Variants in EIF4G3 observed in about 807,000 individuals in gnomAD.
EIF4G3 encodes eIF-4-gamma 3.
EIF4G3 carries 34 observed loss-of-function variants against 186.4 expected under a neutral mutation model. The ratio of observed to expected loss-of-function variants is 0.18; its 90% CI spans 0.14 to 0.24. The LOEUF is 0.24. Among genes scored for constraint, EIF4G3 ranks in the 10% least tolerant of loss-of-function variants. The pLI is 1.00. For synonymous variants in EIF4G3, 673 were observed against 679.5 expected, an observed-to-expected ratio of 0.99 and a Z score of 0.15; for missense variants, 1,536 against 1,948.5, an observed-to-expected ratio of 0.79 and a Z score of 3.99.
At chr1:20,878,612 CACG>C (rs1286024823) in intron 20 of EIF4G3, among the ~76,000 whole-genome samples, 1 of 152,032 alleles carries the variant, frequency 6.6e-6, no homozygotes, top group Admixed American at 6.6e-5. Flanking sequence ...AGCAGCAAGG[CACG>C]ACAATGAGTT....
intron 20 of EIF4G3, among the ~76,000 whole-genome samples, chr1:20,872,019 A>G (rs766069581): frequency 2.0e-5 from 3 of 152,062 alleles, no homozygotes; most frequent in African/African-American, 7.2e-5. Flanking sequence ...GTACAAAATA[A>G]CATAGCACAC....
At chr1:20,981,617 TATACATAC>T (rs372554980) in intron 8 of EIF4G3, among the ~76,000 whole-genome samples, 2 of 56,754 alleles carry the variant, frequency 3.5e-5, no homozygotes, top group Admixed American at 2.1e-4. Flanking sequence ...ATACTGTATG[TATACATAC>T]ATGTATACGC....
chr1:20,988,913 G>T (rs937443518), intron 7 of EIF4G3, among the ~76,000 whole-genome samples: 2 of 151,022 alleles, frequency 1.3e-5, no homozygotes, highest in African/African-American at 2.4e-5. Context: ...ATGCCATTAA[G>T]AATATTCCTG....
At position 20,899,937 on chromosome 1, in the gene EIF4G3, C is replaced by T. The variant is rs373092626; in HGVS notation, c.1759G>A (p.Ala587Thr). 6 of 1,606,898 alleles carry T rather than the reference C, an allele frequency of 3.7e-6. No homozygotes were observed. The South Asian group carries it at 4.5e-5, about 12-fold the overall frequency. ...EMLEAELELKAEEELSIDKVL... is the reference protein window; with the variant it reads ...EMLEAELELKTEEELSIDKVL... ...TTGTCAATGGAAAGCTCCTCTTCAGCTTTAAGCTAAATAATAAATGAACAA... is the reference window on the plus strand; with the variant it reads ...TTGTCAATGGAAAGCTCCTCTTCAGTTTTAAGCTAAATAATAAATGAACAA... Residue 587 changes from alanine to threonine, a missense_variant, in exon 16 of 37, where the codon GCT becomes ACT. Ala to Thr is a moderately conservative substitution (Grantham distance 58). Around this residue, in one of 11 missense-constraint regions of EIF4G3, gnomAD observed 560 missense variants for 547.8 expected, o/e 1.02. Transcript: ENST00000602326.
chr1:21,064,028 T>G (rs1037392393), intron 3 of EIF4G3, among the ~76,000 whole-genome samples: 5 of 152,086 alleles, frequency 3.3e-5, no homozygotes, highest in African/African-American at 1.2e-4. Flanking sequence ...ATGCCCAGCC[T>G]CCTGTCATAC....
chr1:21,150,158 C>G (rs897168134), intron 2 of EIF4G3, among the ~76,000 whole-genome samples: 1 of 152,242 alleles, frequency 6.6e-6, no homozygotes, highest in African/African-American at 2.4e-5. Flanking sequence ...CCACAGCAGC[C>G]AAGTCCTATA....
At chr1:21,100,551 C>T (rs572034430) in intron 2 of EIF4G3, among the ~76,000 whole-genome samples, 23 of 152,186 alleles carry the variant, frequency 1.5e-4, no homozygotes, top group Non-Finnish European at 3.2e-4. Flanking sequence ...CATCATGATC[C>T]GGTTCAATAG....
At chr1:21,162,856 G>C (rs1220055326) in intron 2 of EIF4G3, among the ~76,000 whole-genome samples, 1 of 152,204 alleles carries the variant, frequency 6.6e-6, no homozygotes, top group African/African-American at 2.4e-5. Context: ...CATTACAGGA[G>C]AAACAGGATC....
At chr1:20,869,258 C>G (rs541269969) in intron 20 of EIF4G3, among the ~76,000 whole-genome samples, 38 of 150,136 alleles carry the variant, frequency 2.5e-4, no homozygotes, top group African/African-American at 8.8e-4. Flanking sequence ...AATGGCACCT[C>G]TGTGCTAACT....
Position 21,126,064 on chromosome 1 carries a change from C to T in EIF4G3, c.-271-36851G>A, listed in dbSNP as rs376321349. Reference sequence around the variant, plus strand: ...ACAACAATTACAAAAATTAGGCAGGCGTGGTGGTGGCACATACCTGTAGTC... The same window carrying T: ...ACAACAATTACAAAAATTAGGCAGGTGTGGTGGTGGCACATACCTGTAGTC... On this transcript the variant is annotated intron_variant, in intron 2 of 36. Coordinates refer to ENST00000602326, the MANE Select transcript of EIF4G3 (RefSeq NM_001391906.1). Among the ~76,000 whole-genome samples, 743 of 151,260 alleles carry T rather than the reference C, an allele frequency of 4.9e-3. 6 individuals carry two copies. Among genetic ancestry groups the T allele is most frequent in the African/African-American group, 0.017 (697 of 41,292 alleles).
rs1557737808 is a variant in EIF4G3, at chr1:20,814,756, TCCCCCTCCCC to T, written c.4516-1527_4516-1518del. ...TTAAGGTTAAAAATTCATCTCCCCC[TCCCCCTCCCC>T]CTCCCCCTCCCCCTCCCCCTCTCCC... On this transcript the variant is annotated intron_variant, in intron 34 of 36. Coordinates refer to ENST00000602326, the MANE Select transcript of EIF4G3 (RefSeq NM_001391906.1). Among the ~76,000 whole-genome samples, 196 of 23,668 alleles carry T rather than the reference TCCCCCTCCCC, an allele frequency of 8.3e-3. 3 individuals are homozygous for T. Among genetic ancestry groups the T allele is most frequent in the Non-Finnish European group, 0.01 (122 of 11,636 alleles). The allele number at this position is 23,668 out of a possible 152,430, so 15.5% of individuals were successfully genotyped here. A position where few individuals can be genotyped will look rare whatever the true frequency, so the allele number is the denominator to read the frequency against.
chr1:20,968,188 T>C (rs1320859660), intron 12 of EIF4G3, among the ~76,000 whole-genome samples: 2 of 151,834 alleles, frequency 1.3e-5, no homozygotes, highest in Non-Finnish European at 2.9e-5. Context: ...TTTTTTTTTT[T>C]TTTAAGACAG....
chr1:21,022,371 A>G (rs1384863936), intron 4 of EIF4G3, among the ~76,000 whole-genome samples: 1 of 152,206 alleles, frequency 6.6e-6, no homozygotes, highest in Non-Finnish European at 1.5e-5. Context: ...AATAAACATT[A>G]TGTCTGCCTG....
At chr1:21,063,134 G>A (rs1325532301) in intron 3 of EIF4G3, among the ~76,000 whole-genome samples, 2 of 151,968 alleles carry the variant, frequency 1.3e-5, no homozygotes, top group Non-Finnish European at 2.9e-5. Context: ...ACTCAGTGGC[G>A]CCTCCACCTC....
At chr1:20,999,825 G>T (rs2083110497) in intron 6 of EIF4G3, 1 of 388,090 alleles carries the variant, frequency 2.6e-6, no homozygotes, top group Non-Finnish European at 5.0e-6. Context: ...ATTAAAACTA[G>T]AAATTTTTCT....
chr1:21,176,332 G>T lies in EIF4G3; in HGVS notation c.-429C>A, dbSNP rs1436741788. 3 of 257,668 alleles carry T rather than the reference G, an allele frequency of 1.2e-5. No individual in the cohort carries two copies. Among genetic ancestry groups the T allele is most frequent in the Non-Finnish European group, 2.1e-5 (3 of 141,510 alleles). The allele number at this position is 257,668 out of a possible 1,614,324, so 16.0% of individuals were successfully genotyped here. A position where few individuals can be genotyped will look rare whatever the true frequency, so the allele number is the denominator to read the frequency against. On this transcript the variant is annotated 5_prime_UTR_variant, in exon 2 of 37. Transcript: ENST00000602326. Reference sequence around the variant, plus strand: ...GCCGCCGCCGCCGCTCCGGTGCCGGGTCCGGTTCCTGCTGCAGTCGCTGTG... The same window carrying T: ...GCCGCCGCCGCCGCTCCGGTGCCGGTTCCGGTTCCTGCTGCAGTCGCTGTG...
intron 12 of EIF4G3, among the ~76,000 whole-genome samples, chr1:20,963,773 G>A (rs1027727266): frequency 1.1e-4 from 16 of 152,040 alleles, no homozygotes; most frequent in African/African-American, 3.6e-4. Flanking sequence ...GGGTCAACAC[G>A]ATGAAACCCT....
At chr1:21,086,794 G>A (rs1371176655) in intron 3 of EIF4G3, among the ~76,000 whole-genome samples, 1 of 151,950 alleles carries the variant, frequency 6.6e-6, no homozygotes, top group Admixed American at 6.6e-5. Flanking sequence ...ACAAAAATTA[G>A]CCAGGTGTGG....
chr1:20,962,072 A>C (rs1385306319), intron 12 of EIF4G3, among the ~76,000 whole-genome samples: 1 of 152,176 alleles, frequency 6.6e-6, no homozygotes, highest in African/African-American at 2.4e-5. Flanking sequence ...GCACATATTA[A>C]CATATAACAT....
Sources: gnomAD v4.1 joint callset for allele counts (sites outside exome capture counted in the v4.1 genomes callset) on GRCh38, gnomAD v4.1.1 for gene constraint, gnomAD v4.1.1 regional missense constraint, MANE v1.5 for transcripts, NCBI Gene and HGNC (gene_info 2026-07-23, HGNC 2026-07-21) for gene names.